Variants in SDK1 observed in about 807,000 individuals in gnomAD.
The protein encoded by SDK1 is protein sidekick-1.
In SDK1, 157 loss-of-function variants were observed where a neutral mutation model predicts 245.5. The observed-to-expected ratio is 0.64, with a 90% CI of 0.56 to 0.73. The LOEUF is 0.73. Ranked by LOEUF, SDK1 falls within the 30% of genes least tolerant of loss-of-function variation. The probability of loss-of-function intolerance (pLI) is 0.00; values close to 1 mark genes in which losing one functional copy is unlikely to be tolerated. For missense variants in SDK1, 3,583 were observed against 3,002.3 expected, an observed-to-expected ratio of 1.19 and a Z score of -4.52; for synonymous variants, 1,647 against 1,278.5, an observed-to-expected ratio of 1.29 and a Z score of -6.15.
chr7:4,045,209 T>G (rs1788932715), intron 17 of SDK1, among the ~76,000 whole-genome samples: 1 of 152,038 alleles, frequency 6.6e-6, no homozygotes, highest in Admixed American at 6.6e-5. Context: ...TTTGGGGTGA[T>G]TATTAAAGCT....
At chr7:3,403,850 T>TATATATATATATATA (rs1217421382) in intron 1 of SDK1, among the ~76,000 whole-genome samples, 2 of 96,562 alleles carry the variant, frequency 2.1e-5, no homozygotes, top group African/African-American at 1.1e-4. Flanking sequence ...TATATATATA[T>TATATATATATATATA]ATATATATAT....
At chr7:3,569,998 C>T (rs1422061433) in intron 1 of SDK1, among the ~76,000 whole-genome samples, 1 of 152,136 alleles carries the variant, frequency 6.6e-6, no homozygotes, top group Non-Finnish European at 1.5e-5. Flanking sequence ...TTTTCTCTTA[C>T]CAGTCTGTTT....
At chr7:4,110,584 C>T (rs1783274610) in intron 22 of SDK1, 79 bp from the exon 23 acceptor site, 3 of 1,003,822 alleles carry the variant, frequency 3.0e-6, no homozygotes, top group Non-Finnish European at 4.7e-6. Flanking sequence ...CACCAGGTAC[C>T]AGCAGGTGCA....
chr7:3,519,974 A>C (rs1782879901), intron 1 of SDK1, among the ~76,000 whole-genome samples: 1 of 152,170 alleles, frequency 6.6e-6, no homozygotes, highest in Non-Finnish European at 1.5e-5. Context: ...GAGTGATTTT[A>C]TTTGTGCATA....
intron 4 of SDK1, among the ~76,000 whole-genome samples, chr7:3,719,804 C>G (rs6972653): frequency 0.086 from 13,063 of 151,792 alleles, 651 homozygotes; most frequent in Middle Eastern, 0.13. Flanking sequence ...TGGTGAAACC[C>G]CGTCTCTACT....
intron 1 of SDK1, among the ~76,000 whole-genome samples, chr7:3,499,935 G>C (rs114544778): frequency 0.017 from 2,597 of 152,270 alleles, 88 homozygotes; most frequent in African/African-American, 0.06. Flanking sequence ...AGGGTGAAAG[G>C]AATGTCCTCA....
At chr7:3,844,061 C>G (rs1011210622) in intron 5 of SDK1, among the ~76,000 whole-genome samples, 1 of 152,128 alleles carries the variant, frequency 6.6e-6, no homozygotes, top group Non-Finnish European at 1.5e-5. Flanking sequence ...ACCTCCACCT[C>G]CCGGGTTCAA....
chr7:3,646,555 T>A (rs1291787295), intron 4 of SDK1, among the ~76,000 whole-genome samples: 2 of 152,188 alleles, frequency 1.3e-5, no homozygotes, highest in Non-Finnish European at 2.9e-5. Flanking sequence ...CCCCAGCCAA[T>A]ACACACAGAG....
chr7:3,620,938 T>A (rs752568453), intron 2 of SDK1, among the ~76,000 whole-genome samples: 1 of 152,198 alleles, frequency 6.6e-6, no homozygotes, highest in Non-Finnish European at 1.5e-5. Flanking sequence ...GATCATAGCA[T>A]GTTGAAATCA....
chr7:3,876,276 C>A (rs567112315), intron 5 of SDK1, among the ~76,000 whole-genome samples: 4 of 152,284 alleles, frequency 2.6e-5, no homozygotes, highest in Non-Finnish European at 5.9e-5. Context: ...GCTTTTTGGG[C>A]AGCATTTTCC....
intron 38 of SDK1, among the ~76,000 whole-genome samples, chr7:4,212,450 A>C (rs760158432): frequency 6.6e-6 from 1 of 152,142 alleles, no homozygotes; most frequent in Non-Finnish European, 1.5e-5. Context: ...CAATCGATGG[A>C]CTTTGGTAAA....
intron 19 of SDK1, among the ~76,000 whole-genome samples, chr7:4,056,768 C>T (rs557708530): frequency 2.0e-5 from 3 of 152,318 alleles, no homozygotes; most frequent in African/African-American, 7.2e-5. Context: ...CTATGCAGTG[C>T]TGCTCAAAGA....
At chr7:4,205,357 C>T (rs1584441091) in intron 35 of SDK1, among the ~76,000 whole-genome samples, 1 of 152,236 alleles carries the variant, frequency 6.6e-6, no homozygotes, top group East Asian at 1.9e-4. Flanking sequence ...AAAACCACAG[C>T]AGTCAGGAGT....
intron 41 of SDK1, among the ~76,000 whole-genome samples, chr7:4,236,121 C>A (rs182948225): frequency 6.6e-6 from 1 of 152,206 alleles, no homozygotes; most frequent in Admixed American, 6.5e-5. Flanking sequence ...GTGCACACAT[C>A]CCCTATTCGT....
intron 44 of SDK1, 134 bp from the exon 45 acceptor site, chr7:4,264,990 T>TGGGGG: frequency 7.7e-7 from 1 of 1,296,374 alleles, no homozygotes; most frequent in African/African-American, 2.2e-5. Flanking sequence ...TGGCATTGGG[T>TGGGGG]TGGGGTGGGG....
intron 1 of SDK1, among the ~76,000 whole-genome samples, chr7:3,573,083 C>T (rs1780169118): frequency 6.6e-6 from 1 of 152,024 alleles, no homozygotes. Context: ...TGGGCCCTGA[C>T]CCTCAGTTTG....
chr7:3,682,200 A>G (rs1583302723), intron 4 of SDK1, among the ~76,000 whole-genome samples: 1 of 152,186 alleles, frequency 6.6e-6, no homozygotes, highest in Admixed American at 6.5e-5. Context: ...CCCAGGTATT[A>G]TTATACCCAT....
chr7:4,056,133 G>T (rs537806780), intron 19 of SDK1, among the ~76,000 whole-genome samples: 1 of 150,130 alleles, frequency 6.7e-6, no homozygotes, highest in South Asian at 2.1e-4. Context: ...ATGTCTCAGA[G>T]AAAACTGGAA....
At chr7:3,588,662 A>G (rs147795999) in intron 1 of SDK1, among the ~76,000 whole-genome samples, 121 of 152,318 alleles carry the variant, frequency 7.9e-4, no homozygotes, top group African/African-American at 2.7e-3. Context: ...CCTTTTGGGC[A>G]CCTCACTGAT....
Sources: gnomAD v4.1 joint callset for allele counts (sites outside exome capture counted in the v4.1 genomes callset) on GRCh38, gnomAD v4.1.1 for gene constraint, MANE v1.5 for transcripts, NCBI Gene and HGNC (gene_info 2026-07-23, HGNC 2026-07-21) for gene names.